The following FAM200C variants were observed in gnomAD, a reference collection of about 807,000 sequenced individuals.
chr5:160,395,327 T>C, the FAM200C span: 6 of 1,614,078 alleles, frequency 3.7e-6, no homozygotes, highest in East Asian at 8.9e-5. Context: ...TACACCACCA[T>C]GCTGTCTGTT....
At chr5:160,394,927 T>C in the FAM200C span, 9 of 1,613,284 alleles carry the variant, frequency 5.6e-6, no homozygotes, top group Admixed American at 1.2e-4. Flanking sequence ...CAAATGCCAT[T>C]AGCTGACTGC....
At chr5:160,393,793 ATCAC>A in the FAM200C span, 1 of 1,591,240 alleles carries the variant, frequency 6.3e-7, no homozygotes, top group Non-Finnish European at 8.6e-7. Flanking sequence ...CACGGATATC[ATCAC>A]TCAGATTAAA....
At chr5:160,394,441 T>C in the FAM200C span, 4 of 1,613,402 alleles carry the variant, frequency 2.5e-6, no homozygotes, top group African/African-American at 1.3e-5. Context: ...GAAACTGATT[T>C]ATTTCTTCAT....
the FAM200C span, among the ~76,000 whole-genome samples, chr5:160,398,696 A>C: frequency 2.6e-5 from 4 of 152,250 alleles, no homozygotes; most frequent in Admixed American, 6.5e-5. Flanking sequence ...ACCCTCAAAA[A>C]GGGAGAACAG....
chr5:160,394,685 G>A, the FAM200C span: 2 of 1,614,146 alleles, frequency 1.2e-6, no homozygotes, highest in Non-Finnish European at 1.7e-6. Context: ...TAAACAATGT[G>A]TAACTACGAT....
the FAM200C span, among the ~76,000 whole-genome samples, chr5:160,398,260 CA>C: frequency 1.3e-5 from 2 of 151,018 alleles, no homozygotes; most frequent in East Asian, 3.9e-4. Context: ...GACTCTGTCT[CA>C]AAAAAAGGCT....
the FAM200C span, chr5:160,395,606 T>G: frequency 1.6e-5 from 13 of 803,380 alleles, no homozygotes; most frequent in Non-Finnish European, 2.3e-5. Flanking sequence ...CAAAGCCACA[T>G]CACATGCTAT....
chr5:160,395,116 T>C, the FAM200C span: 3 of 1,614,092 alleles, frequency 1.9e-6, no homozygotes, highest in South Asian at 1.1e-5. Context: ...CCAAAACTAT[T>C]TGTGCTATTT....
chr5:160,398,198 T>C, the FAM200C span, among the ~76,000 whole-genome samples: 1 of 152,026 alleles, frequency 6.6e-6, no homozygotes, highest in Admixed American at 6.6e-5. Context: ...GCTGAGATCA[T>C]TGCAGTGAGC....
At chr5:160,397,920 G>A in the FAM200C span, among the ~76,000 whole-genome samples, 1 of 152,176 alleles carries the variant, frequency 6.6e-6, no homozygotes, top group Non-Finnish European at 1.5e-5. Flanking sequence ...AGGGAATAAA[G>A]GAAAATGTTT....
the FAM200C span, chr5:160,399,997 G>C: frequency 1.3e-5 from 2 of 152,296 alleles, no homozygotes; most frequent in Non-Finnish European, 2.9e-5. Context: ...CGCCTGGAGA[G>C]AGAAGCATCC....
the FAM200C span, chr5:160,393,673 G>A: frequency 7.3e-7 from 1 of 1,369,024 alleles, no homozygotes. Flanking sequence ...ATGATATTAA[G>A]ATTGAAATTA....
At chr5:160,393,870 T>C in the FAM200C span, 13 of 1,614,006 alleles carry the variant, frequency 8.1e-6, no homozygotes, top group South Asian at 8.8e-5. Context: ...CAAAGGTATG[T>C]AGTTGCAAAT....
At chr5:160,395,431 C>T in the FAM200C span, 8 of 1,614,010 alleles carry the variant, frequency 5.0e-6, no homozygotes, top group Admixed American at 5.0e-5. Context: ...CATCTACTTC[C>T]GTTGTACAGG....
chr5:160,393,407 T>C, the FAM200C span: 2 of 287,104 alleles, frequency 7.0e-6, no homozygotes, highest in African/African-American at 4.5e-5. Context: ...TCCTAGCCTA[T>C]TGCACCATTT....
chr5:160,393,739 T>C, the FAM200C span: 7 of 1,552,514 alleles, frequency 4.5e-6, no homozygotes, highest in Non-Finnish European at 6.1e-6. Context: ...GTAGCTTTTG[T>C]TCAATGATGT....
chr5:160,393,612 A>G, the FAM200C span: 1 of 934,112 alleles, frequency 1.1e-6, no homozygotes, highest in South Asian at 1.6e-5. Flanking sequence ...TAGACATAGA[A>G]TTCAGTATAT....
the FAM200C span, chr5:160,399,869 G>A: frequency 1.3e-5 from 2 of 152,226 alleles, no homozygotes; most frequent in Non-Finnish European, 2.9e-5. Context: ...CTTCTTTTAG[G>A]CGCCCGTTTC....
At chr5:160,398,283 C>T in the FAM200C span, among the ~76,000 whole-genome samples, 3 of 152,126 alleles carry the variant, frequency 2.0e-5, no homozygotes, top group Admixed American at 6.5e-5. Flanking sequence ...GGTACGGTGG[C>T]TCATGTCCAT....
Sources: gnomAD v4.1 joint callset for allele counts (sites outside exome capture counted in the v4.1 genomes callset) on GRCh38, gnomAD v4.1.1 for gene constraint, MANE v1.5 for transcripts.